Variants in SS18L1 observed in about 807,000 individuals in gnomAD.
SS18L1 encodes the protein SS18L1 subunit of BAF chromatin remodeling complex.
SS18L1 carries 32 observed loss-of-function variants against 70.3 expected under a neutral mutation model. The observed-to-expected ratio is 0.46, with a 90% CI of 0.34 to 0.61. The LOEUF is 0.61. Ranked by LOEUF, SS18L1 falls within the 20% of genes least tolerant of loss-of-function variation. SS18L1 has a pLI of 0.01. For synonymous variants in SS18L1, 237 were observed against 229.7 expected (o/e 1.03, Z -0.29); for missense variants, 430 against 542.1 (o/e 0.79, Z 2.05).
Position 62,161,205 on chromosome 20 carries a change from TACTC to T in SS18L1, c.232-229_232-226del, listed in dbSNP as rs1486132017. On this transcript the variant is annotated intron_variant, in intron 3 of 10. Coordinates refer to ENST00000331758, the MANE Select transcript of SS18L1 (RefSeq NM_198935.3). This position sits in a 1 kb window ranked among gnomAD's most constrained non-coding sequence, Gnocchi z 4.4. The stretch of plus-strand genomic sequence containing the variant: ...CCCAGGCACGTGTGGATGAACTTGA[TACTC>T]AGTAGGGTTGTGAACGCTCACCCAG... Among the ~76,000 whole-genome samples the T allele has an allele frequency of 1.3e-4, 19 of 150,844 alleles. No homozygotes were observed. Among genetic ancestry groups the T allele is most frequent in the East Asian group, 2.0e-4 (1 of 5,122 alleles).
chr20:62,155,877 T>TTA (rs1255638443), intron 1 of SS18L1, among the ~76,000 whole-genome samples: 1 of 151,974 alleles, frequency 6.6e-6, no homozygotes. Context: ...CATTCTGTCC[T>TTA]TAGAAGGCCA....
intron 8 of SS18L1, among the ~76,000 whole-genome samples, chr20:62,167,045 T>C (rs963587905): frequency 7.7e-6 from 1 of 129,648 alleles, no homozygotes; most frequent in Non-Finnish European, 1.6e-5. Flanking sequence ...TTTGTTTGTT[T>C]TTTTTTTTTT....
rs2057278213 is a variant in SS18L1, at chr20:62,159,066, C to T, written c.146+318C>T. 1 of 1,455,146 alleles carries T rather than the reference C, an allele frequency of 6.9e-7. No individual in the cohort carries two copies. The highest frequency in any genetic ancestry group is 1.8e-5 in the Admixed American group (1 of 55,652). 90.1% of individuals were successfully genotyped at this position (1,455,146 alleles called of 1,614,324 possible). A position where few individuals can be genotyped will look rare whatever the true frequency, so the allele number is the denominator to read the frequency against. ...GGAGGCCAGATATGTCCCGAGAGTC[C>T]CTGGCACAGCTGCGAAGCATTGCTG... On this transcript the variant is annotated intron_variant, in intron 2 of 10. Coordinates refer to ENST00000331758, the MANE Select transcript of SS18L1 (RefSeq NM_198935.3). This position sits in a 1 kb window ranked among gnomAD's most constrained non-coding sequence, Gnocchi z 4.4.
chr20:62,158,598 G>A lies in SS18L1; in HGVS notation c.70-74G>A. 1 of 1,568,654 alleles carries A rather than the reference G, an allele frequency of 6.4e-7. No individual in the cohort carries two copies. The highest frequency in any genetic ancestry group is 8.6e-7 in the Non-Finnish European group (1 of 1,160,300). On this transcript the variant is annotated intron_variant, in intron 1 of 10. Transcript: ENST00000331758. The surrounding 1 kb of genome is among the most constrained non-coding windows in gnomAD (Gnocchi z 4.5). ...CTCAACCTATATGAAAACTAGATGT[G>A]TAGCGATGGCTGTTCATCCCGAGGG...
chr20:62,152,928 G>A lies in SS18L1; in HGVS notation c.70-5744G>A, dbSNP rs116905679. Among the ~76,000 whole-genome samples the A allele has an allele frequency of 2.4e-4, 37 of 152,222 alleles. No individual in the cohort carries two copies. In the East Asian group the frequency reaches 4.6e-3, roughly 19 times the overall value. On this transcript the variant is annotated intron_variant, in intron 1 of 10. Transcript: ENST00000331758. ...TTTGGATTTTATGCTCACCAAAGCCGCGCGTGCACATCAGGAGTCAAGAAG... is the reference window on the plus strand; with the variant it reads ...TTTGGATTTTATGCTCACCAAAGCCACGCGTGCACATCAGGAGTCAAGAAG...
chr20:62,155,667 C>T (rs910614055), intron 1 of SS18L1, among the ~76,000 whole-genome samples: 4 of 152,276 alleles, frequency 2.6e-5, no homozygotes, highest in East Asian at 1.9e-4. Flanking sequence ...CTGGAGACGC[C>T]CCCTCCTCCA....
chr20:62,160,048 G>A, intron 3 of SS18L1, 87 bp downstream of exon 3: 3 of 1,363,546 alleles, frequency 2.2e-6, no homozygotes, highest in Non-Finnish European at 3.0e-6. Flanking sequence ...GTCATCTCAG[G>A]TAGCAAAGAT....
intron 3 of SS18L1, among the ~76,000 whole-genome samples, chr20:62,160,674 G>A (rs984018186): frequency 2.0e-5 from 3 of 152,146 alleles, no homozygotes; most frequent in Non-Finnish European, 4.4e-5. Flanking sequence ...CAGACATGTC[G>A]CCGGGAATGA....
chr20:62,160,069 A>T, intron 3 of SS18L1, 108 bp downstream of exon 3: 2 of 1,152,582 alleles, frequency 1.7e-6, no homozygotes, highest in Non-Finnish European at 2.5e-6. Flanking sequence ...GACTCAGAGA[A>T]ACCAAAAATA....
intron 5 of SS18L1, among the ~76,000 whole-genome samples, chr20:62,163,192 G>T (rs1318578710): frequency 6.6e-6 from 1 of 152,190 alleles, no homozygotes; most frequent in African/African-American, 2.4e-5. Flanking sequence ...AATGCCCCAG[G>T]GAGTGGGGGC....
chr20:62,155,125 G>A (rs771262164), intron 1 of SS18L1, among the ~76,000 whole-genome samples: 5 of 152,238 alleles, frequency 3.3e-5, no homozygotes, highest in Non-Finnish European at 5.9e-5. Context: ...GTTTCAGGCC[G>A]GGTGCAATGG....
intron 1 of SS18L1, among the ~76,000 whole-genome samples, chr20:62,157,388 C>T (rs1304753221): frequency 1.3e-5 from 2 of 152,224 alleles, no homozygotes; most frequent in Admixed American, 6.5e-5. Context: ...ATCTGTGGGC[C>T]CAGCCCCCTG....
rs10673768 is a variant in SS18L1, at chr20:62,146,605, A to ATTT, written c.69+2735_69+2737dup. Among the ~76,000 whole-genome samples the ATTT allele has an allele frequency of 2.5e-4, 20 of 79,712 alleles. 1 individual carries two copies. Among genetic ancestry groups the ATTT allele is most frequent in the African/African-American group, 5.7e-4 (11 of 19,186 alleles). 52.3% of individuals were successfully genotyped at this position (79,712 alleles called of 152,430 possible). ...CATCCAGCGTGTCTCTGCTTTGATC[A>ATTT]TTTTTTTTTTTTTTTTTTTTTGAGA... On this transcript the variant is annotated intron_variant, in intron 1 of 10. Transcript: ENST00000331758.
Position 62,182,285 on chromosome 20 carries a change from C to T in SS18L1, c.*3077C>T, listed in dbSNP as rs554330077. ...CCCCTTCAAAACTGTACAAAGAAGA[C>T]GACTGTTTTCCATTTCCATTTAAAC... On this transcript the variant is annotated 3_prime_UTR_variant, in exon 11 of 11. Transcript: ENST00000331758. 1 of 216,504 alleles carries T rather than the reference C, an allele frequency of 4.6e-6. No homozygotes were observed. Among genetic ancestry groups the T allele is most frequent in the African/African-American group, 2.3e-5 (1 of 44,308 alleles). The allele number at this position is 216,504 out of a possible 1,614,324, so 13.4% of individuals were successfully genotyped here. A position where few individuals can be genotyped will look rare whatever the true frequency, so the allele number is the denominator to read the frequency against.
chr20:62,174,505 G>T lies in SS18L1; in HGVS notation c.1037-12G>T, dbSNP rs369614213. The T allele has an allele frequency of 1.9e-6, 3 of 1,611,110 alleles. No homozygotes were observed. The highest frequency in any genetic ancestry group is 2.5e-6 in the Non-Finnish European group (3 of 1,178,124). ...GTTTTGGCCGGCCTCACGGTTCCTG[G>T]TGTCTTCTCAGGGTCTGCCCAGGGA... is the stretch of plus-strand genomic sequence containing the variant. On this transcript the variant is annotated splice_polypyrimidine_tract_variant and intron_variant, in intron 9 of 10. Coordinates refer to ENST00000331758, the MANE Select transcript of SS18L1 (RefSeq NM_198935.3). This position sits in a 1 kb window ranked among gnomAD's most constrained non-coding sequence, Gnocchi z 4.1.
At chr20:62,168,420 CA>C (rs1334993515) in intron 8 of SS18L1, among the ~76,000 whole-genome samples, 6 of 152,142 alleles carry the variant, frequency 3.9e-5, no homozygotes, top group African/African-American at 1.4e-4. Flanking sequence ...CCTTCAAACA[CA>C]ACTGTGGCCC....
chr20:62,154,331 G>T (rs1196785687), intron 1 of SS18L1: 6 of 1,047,498 alleles, frequency 5.7e-6, no homozygotes, highest in African/African-American at 1.7e-5. Flanking sequence ...TGGGTACAAG[G>T]TGCGTTTTCC....
At chr20:62,149,607 C>T (rs1435605707) in intron 1 of SS18L1, among the ~76,000 whole-genome samples, 1 of 152,244 alleles carries the variant, frequency 6.6e-6, no homozygotes, top group Non-Finnish European at 1.5e-5. Flanking sequence ...GTGATGTGTG[C>T]TTCGCCTTTC....
intron 1 of SS18L1, chr20:62,154,349 C>A (rs1158796540): frequency 9.5e-7 from 1 of 1,049,254 alleles, no homozygotes; most frequent in African/African-American, 1.7e-5. Flanking sequence ...TCCTAACTTG[C>A]GGGTCTGAAA....
Sources: allele counts gnomAD v4.1 joint callset (sites outside exome capture counted in the v4.1 genomes callset), GRCh38; gene constraint gnomAD v4.1.1; non-coding constraint Gnocchi (gnomAD v3.1); transcripts MANE v1.5; gene names NCBI Gene and HGNC (gene_info 2026-07-23, HGNC 2026-07-21).